AXIN1: variants seen among roughly 807,000 people sequenced by gnomAD.
AXIN1 encodes the protein axin 1.
In AXIN1, 30 loss-of-function variants were observed where a neutral mutation model predicts 76.4. The ratio of observed to expected loss-of-function variants is 0.39; its 90% CI spans 0.29 to 0.53. AXIN1 has a LOEUF of 0.53. AXIN1 is among the 20% of genes least tolerant of loss of function. AXIN1 has a pLI of 0.66. For synonymous variants in AXIN1, 545 were observed against 501.4 expected, an observed-to-expected ratio of 1.09 and a Z score of -1.16; for missense variants, 1,140 against 1,198.8, an observed-to-expected ratio of 0.95 and a Z score of 0.72.
intron 5 of AXIN1, chr16:298,932 C>A (rs1211770781): frequency 6.7e-6 from 2 of 299,002 alleles, no homozygotes; most frequent in African/African-American, 2.3e-5. Context: ...CCACACCCAG[C>A]TAATTTTTGT....
chr16:300,629 C>T (rs939768150), intron 5 of AXIN1, among the ~76,000 whole-genome samples: 7 of 152,196 alleles, frequency 4.6e-5, no homozygotes, highest in African/African-American at 1.7e-4. Context: ...CGGGCACCTG[C>T]ACTGGGGCTG....
At chr16:330,356 G>A (rs2053669650) in intron 2 of AXIN1, among the ~76,000 whole-genome samples, 1 of 152,136 alleles carries the variant, frequency 6.6e-6, no homozygotes, top group African/African-American at 2.4e-5. Flanking sequence ...GAGCCACTGT[G>A]CCCGCTACCA....
Position 298,249 on chromosome 16 carries a change from CT to C in AXIN1, c.1256del (p.Glu419GlyfsTer61). 6.5e-7 allele frequency: 1 copy of C among 1,539,026 alleles called. No homozygotes were observed. On this transcript the variant is annotated frameshift_variant and splice_region_variant, in exon 6 of 11. Transcript: ENST00000262320. LOFTEE classifies it high-confidence loss of function. ...LEERLKRVRM[E>X]EEGEDGDPSS... is the part of the protein sequence containing the mutation. ...ATGGATCGCCGTCCTCACCTTCCTC[CT>C]CCTGTGTGGGGACAAGCAGCACCAT...
chr16:350,424 G>A (rs967515830), intron 1 of AXIN1, among the ~76,000 whole-genome samples: 2 of 152,196 alleles, frequency 1.3e-5, no homozygotes, highest in African/African-American at 2.4e-5. Context: ...TCCATAAAAC[G>A]GGCGGGATGC....
At chr16:297,387 G>A (rs925669308) in intron 6 of AXIN1, among the ~76,000 whole-genome samples, 161 bp from the exon 7 acceptor site, 10 of 151,172 alleles carry the variant, frequency 6.6e-5, no homozygotes, top group Middle Eastern at 3.4e-3. Context: ...TCCCCCGCCA[G>A]CTTGTCCCCC....
intron 2 of AXIN1, among the ~76,000 whole-genome samples, chr16:338,560 A>T (rs913622223): frequency 6.6e-6 from 1 of 152,382 alleles, no homozygotes; most frequent in East Asian, 1.9e-4. Flanking sequence ...GTCTGAGACT[A>T]TGGAGCTTTA....
intron 3 of AXIN1, among the ~76,000 whole-genome samples, chr16:313,976 G>GT (rs2141589799): frequency 6.6e-6 from 1 of 152,324 alleles, no homozygotes; most frequent in Non-Finnish European, 1.5e-5. Flanking sequence ...GGGTGACAGG[G>GT]ACAAGACAGG....
At position 287,678 on chromosome 16, in the gene AXIN1, T is replaced by TC. The variant is rs938519749; in HGVS notation, c.*443_*444insG. ...ACAGTGGCAGGCAAGAGACAAGCTG[T>TC]GTTGAAGGCACTCGGTGGCGCGTAC... On this transcript the variant is annotated 3_prime_UTR_variant, in exon 11 of 11. Coordinates refer to ENST00000262320, the MANE Select transcript of AXIN1 (RefSeq NM_003502.4). 11 of 332,812 alleles carry TC rather than the reference T, an allele frequency of 3.3e-5. No individual in the cohort carries two copies. The highest frequency in any genetic ancestry group is 5.7e-5 in the Non-Finnish European group (10 of 176,468). The allele number at this position is 332,812 out of a possible 1,614,324, so 20.6% of individuals were successfully genotyped here. A position where few individuals can be genotyped will look rare whatever the true frequency, so the allele number is the denominator to read the frequency against.
chr16:344,878 G>A (rs1419726046), intron 2 of AXIN1, among the ~76,000 whole-genome samples: 1 of 152,166 alleles, frequency 6.6e-6, no homozygotes, highest in Non-Finnish European at 1.5e-5. Context: ...GCCAATTTCT[G>A]TGTCACAGTA....
intron 4 of AXIN1, 85 bp from the exon 5 acceptor site, chr16:304,526 C>A (rs2141548522): frequency 6.3e-7 from 1 of 1,585,926 alleles, no homozygotes. Flanking sequence ...CGTGTGCTAT[C>A]TCTGTTGTAT....
chr16:294,123 C>G lies in AXIN1; in HGVS notation c.1956-405G>C, dbSNP rs577095282. On this transcript the variant is annotated intron_variant, in intron 7 of 10. Coordinates refer to ENST00000262320, the MANE Select transcript of AXIN1 (RefSeq NM_003502.4). Reference sequence around the variant, plus strand: ...TTACAGTGAGCCGGGATCACGCCACCGCACTCCAGCCTGGGTGACAGAGTG... The same window carrying G: ...TTACAGTGAGCCGGGATCACGCCACGGCACTCCAGCCTGGGTGACAGAGTG... Among the ~76,000 whole-genome samples, 374 of 152,108 alleles carry G rather than the reference C, an allele frequency of 2.5e-3. 1 individual carries two copies. The highest frequency in any genetic ancestry group is 0.01 in the Middle Eastern group (3 of 294).
chr16:289,336 G>A, intron 10 of AXIN1, 104 bp downstream of exon 10: 1 of 1,477,294 alleles, frequency 6.8e-7, no homozygotes. Context: ...AAAGTGCCAG[G>A]ATTAGGACGT....
At chr16:310,635 G>A (rs1328834972) in intron 3 of AXIN1, among the ~76,000 whole-genome samples, 1 of 152,240 alleles carries the variant, frequency 6.6e-6, no homozygotes, top group African/African-American at 2.4e-5. Flanking sequence ...CTGACCTCGT[G>A]ATCCGCCCGC....
At chr16:339,609 G>A (rs2053875772) in intron 2 of AXIN1, among the ~76,000 whole-genome samples, 1 of 152,004 alleles carries the variant, frequency 6.6e-6, no homozygotes, top group Non-Finnish European at 1.5e-5. Context: ...TTCAACCTGG[G>A]AGGCGGAGGC....
intron 7 of AXIN1, among the ~76,000 whole-genome samples, chr16:296,147 G>A (rs1167749484): frequency 6.6e-6 from 1 of 152,230 alleles, no homozygotes; most frequent in African/African-American, 2.4e-5. Flanking sequence ...TCCCTCGGGA[G>A]CCCCAGAAAA....
At chr16:321,007 G>A (rs1400561589) in intron 2 of AXIN1, among the ~76,000 whole-genome samples, 1 of 152,068 alleles carries the variant, frequency 6.6e-6, no homozygotes, top group African/African-American at 2.4e-5. Context: ...CAAAGTGCTG[G>A]GATTACAGGC....
intron 2 of AXIN1, among the ~76,000 whole-genome samples, chr16:341,811 G>C (rs544847047): frequency 3.9e-5 from 6 of 152,234 alleles, no homozygotes; most frequent in Non-Finnish European, 8.8e-5. Flanking sequence ...ACACCAATCA[G>C]CACTCTGTGT....
At chr16:301,661 A>C (rs2052876765) in intron 5 of AXIN1, among the ~76,000 whole-genome samples, 1 of 152,158 alleles carries the variant, frequency 6.6e-6, no homozygotes, top group Admixed American at 6.5e-5. Flanking sequence ...TCTCACTCAA[A>C]ATGGGAACCT....
At chr16:309,069 A>T (rs1035496696) in intron 4 of AXIN1, among the ~76,000 whole-genome samples, 4 of 152,080 alleles carry the variant, frequency 2.6e-5, no homozygotes, top group African/African-American at 9.7e-5. Flanking sequence ...AGTGGCTCAC[A>T]CCTGTAATCC....
Sources: gnomAD v4.1 joint callset for allele counts (sites outside exome capture counted in the v4.1 genomes callset) on GRCh38, gnomAD v4.1.1 for gene constraint, MANE v1.5 for transcripts, NCBI Gene and HGNC (gene_info 2026-07-23, HGNC 2026-07-21) for gene names.